The following PCDHGB3 variants were observed in gnomAD, a reference collection of about 807,000 sequenced individuals.
PCDHGB3 encodes the protein protocadherin gamma subfamily B, 3.
A neutral mutation model predicts 59.2 loss-of-function variants in PCDHGB3; 40 were observed. The ratio of observed to expected loss-of-function variants is 0.68; its 90% CI spans 0.52 to 0.88. The LOEUF is 0.88. Among genes scored for constraint, PCDHGB3 ranks in the 40% least tolerant of loss-of-function variants. The pLI, the probability that PCDHGB3 is intolerant of heterozygous loss-of-function variation, is 0.00. For synonymous variants in PCDHGB3, 581 were observed against 503.6 expected (o/e 1.15, Z -2.06); for missense variants, 1,309 against 1,187.9 (o/e 1.10, Z -1.50).
chr5:141,427,224 A>G (rs1269896138), intron 1 of PCDHGB3: 1 of 456,768 alleles, frequency 2.2e-6, no homozygotes, highest in East Asian at 6.9e-5. Context: ...TAGCAGTTAT[A>G]CCATGAGAGT....
chr5:141,490,344 AGTGGGGTTGTTTAAT>A lies in PCDHGB3; in HGVS notation c.2416-4459_2416-4445del. The A allele has an allele frequency of 6.2e-7, 1 of 1,614,178 alleles. No individual in the cohort carries two copies. The highest frequency in any genetic ancestry group is 8.5e-7 in the Non-Finnish European group (1 of 1,180,030). ...TAGAGAGCACACCAGTGGGCACAGT[AGTGGGGTTGTTTAAT>A]GTGCGAGACCGGGACTCAGGTAGAA... On this transcript the variant is annotated intron_variant, in intron 1 of 3. Coordinates refer to ENST00000576222, the MANE Select transcript of PCDHGB3 (RefSeq NM_018924.5). This position sits in a 1 kb window ranked among gnomAD's most constrained non-coding sequence, Gnocchi z 5.4.
At chr5:141,382,772 C>G (rs1778420393) in intron 1 of PCDHGB3, 1 of 776,996 alleles carries the variant, frequency 1.3e-6, no homozygotes, top group Non-Finnish European at 2.0e-6. Context: ...CCAGGCTGCA[C>G]TAAACTCAAG....
At chr5:141,389,596 C>T (rs768865727) in intron 1 of PCDHGB3, 2 of 1,613,132 alleles carry the variant, frequency 1.2e-6, no homozygotes, top group Non-Finnish European at 1.7e-6. Context: ...GACGGCTCTG[C>T]GCTCTTCGAT....
rs6883529 is a variant in PCDHGB3, at chr5:141,427,618, A to G, written c.2415+54809A>G. On this transcript the variant is annotated intron_variant, in intron 1 of 3. Coordinates refer to ENST00000576222, the MANE Select transcript of PCDHGB3 (RefSeq NM_018924.5). ...ACCCTACGCATTGGTGAAGTCAACG[A>G]CAATGCTCCGGTTTTCCACCAAGTC... The G allele has an allele frequency of 3.3e-3, 2,299 of 695,914 alleles. 37 individuals are homozygous for G. In the African/African-American group the frequency reaches 0.033, roughly 10 times the overall value. 43.1% of individuals were successfully genotyped at this position (695,914 alleles called of 1,614,324 possible).
chr5:141,398,964 T>C lies in PCDHGB3; in HGVS notation c.2415+26155T>C, dbSNP rs768223911. 1.5e-5 allele frequency: 25 copies of C among 1,613,826 alleles called. No homozygotes were observed. In the South Asian group the frequency reaches 2.4e-4, roughly 16 times the overall value. On this transcript the variant is annotated intron_variant, in intron 1 of 3. Coordinates refer to ENST00000576222, the MANE Select transcript of PCDHGB3 (RefSeq NM_018924.5). ...AGGGCATCAACTCAGAAATTACTTA[T>C]TCCTTCTACAGAACCGGGCAAATCT...
At position 141,477,706 on chromosome 5, in the gene PCDHGB3, G is replaced by A. The variant is rs1490514142; in HGVS notation, c.2416-17101G>A. 6 of 1,613,988 alleles carry A rather than the reference G, an allele frequency of 3.7e-6. No homozygotes were observed. Among genetic ancestry groups the A allele is most frequent in the Non-Finnish European group, 5.1e-6 (6 of 1,180,044 alleles). ...TAGTGCCCCTAGACTATGAGGATCGGCGGGAATTTGAATTAACAGCTCATA... is the reference window on the plus strand; with the variant it reads ...TAGTGCCCCTAGACTATGAGGATCGACGGGAATTTGAATTAACAGCTCATA... On this transcript the variant is annotated intron_variant, in intron 1 of 3. Transcript: ENST00000576222. This position sits in a 1 kb window ranked among gnomAD's most constrained non-coding sequence, Gnocchi z 4.9.
At chr5:141,379,815 T>C (rs1489145506) in intron 1 of PCDHGB3, among the ~76,000 whole-genome samples, 2 of 150,388 alleles carry the variant, frequency 1.3e-5, no homozygotes, top group South Asian at 2.1e-4. Context: ...GAGTTCAGTA[T>C]AGAATTTTGA....
chr5:141,460,498 T>C (rs1028506755), intron 1 of PCDHGB3, among the ~76,000 whole-genome samples: 3 of 152,184 alleles, frequency 2.0e-5, no homozygotes, highest in African/African-American at 7.2e-5. Context: ...TGGAAAAATA[T>C]GCTGAGAAGG....
At chr5:141,376,311 T>G in intron 1 of PCDHGB3, 1 of 1,613,882 alleles carries the variant, frequency 6.2e-7, no homozygotes, top group Non-Finnish European at 8.5e-7. Context: ...TTTGTGGGCG[T>G]GGAAGGGGTT....
intron 1 of PCDHGB3, chr5:141,423,723 T>C: frequency 8.5e-7 from 1 of 1,174,478 alleles, no homozygotes; most frequent in Non-Finnish European, 1.1e-6. Context: ...TAAGGAGATG[T>C]TTTTTGAGCC....
chr5:141,421,297 C>T (rs143092131), intron 1 of PCDHGB3: 106 of 1,613,512 alleles, frequency 6.6e-5, no homozygotes, highest in Non-Finnish European at 8.5e-5. Flanking sequence ...CCTGGGGACG[C>T]TGCGGGGGTT....
At position 141,370,734 on chromosome 5, in the gene PCDHGB3, T is replaced by G. The variant is rs1056339551; in HGVS notation, c.340T>G (p.Leu114Val). ...LEFEMVAEKPLNFFHVTVLIQ... is the reference protein window; with the variant it reads ...LEFEMVAEKPVNFFHVTVLIQ... Reference sequence around the variant, plus strand: ...ATTTGAAATGGTTGCTGAAAAGCCTTTAAACTTTTTTCATGTAACTGTGCT... The same window carrying G: ...ATTTGAAATGGTTGCTGAAAAGCCTGTAAACTTTTTTCATGTAACTGTGCT... Residue 114 changes from leucine to valine, a missense_variant, in exon 1 of 4, where the codon TTA becomes GTA. Leu to Val is a conservative substitution (Grantham distance 32). Transcript: ENST00000576222. The G allele has an allele frequency of 1.2e-6, 2 of 1,613,896 alleles. No individual in the cohort carries two copies. The highest frequency in any genetic ancestry group is 1.7e-6 in the Non-Finnish European group (2 of 1,179,904).
At chr5:141,427,776 G>T (rs3828681) in intron 1 of PCDHGB3, 8 of 1,424,704 alleles carry the variant, frequency 5.6e-6, no homozygotes, top group Non-Finnish European at 9.8e-7. Context: ...GGAGCTGCGG[G>T]CACTGTCGTC....
chr5:141,372,906 C>A, intron 1 of PCDHGB3, 97 bp downstream of exon 1: 1 of 1,079,660 alleles, frequency 9.3e-7, no homozygotes, highest in Non-Finnish European at 1.3e-6. Context: ...TCCCTGATTA[C>A]ATTATTTTAT....
At chr5:141,500,348 A>G (rs2099799436) in intron 2 of PCDHGB3, among the ~76,000 whole-genome samples, 1 of 151,950 alleles carries the variant, frequency 6.6e-6, no homozygotes, top group Non-Finnish European at 1.5e-5. Context: ...AGCTGGGACT[A>G]CAGGCGCCCA....
chr5:141,427,398 A>T (rs1040184910), intron 1 of PCDHGB3: 8 of 460,774 alleles, frequency 1.7e-5, no homozygotes, highest in Non-Finnish European at 3.5e-5. Context: ...AACACATGAT[A>T]AAGATTCGAG....
intron 1 of PCDHGB3, chr5:141,394,142 A>G (rs751602442): frequency 6.2e-7 from 1 of 1,613,996 alleles, no homozygotes; most frequent in Non-Finnish European, 8.5e-7. Flanking sequence ...TGCACGTGGC[A>G]GACATTAACG....
In PCDHGB3 at chr5:141,372,264, G is replaced by GGTGAGGTGC; in HGVS notation, c.1872_1880dup (p.Glu625_Arg627dup). On this transcript the variant is annotated inframe_insertion, in exon 1 of 4. Coordinates refer to ENST00000576222, the MANE Select transcript of PCDHGB3 (RefSeq NM_018924.5). ...GCTGTTCAGCCTGGGCCTGCGCACGGGTGAGGTGCGCACGGCGCGTACCTT... is the reference window on the plus strand; with the variant it reads ...GCTGTTCAGCCTGGGCCTGCGCACGGGTGAGGTGCGTGAGGTGCGCACGGCGCGTACCTT... 1 of 1,613,138 alleles carries GGTGAGGTGC rather than the reference G, an allele frequency of 6.2e-7. No homozygotes were observed. Among genetic ancestry groups the GGTGAGGTGC allele is most frequent in the Non-Finnish European group, 8.5e-7 (1 of 1,179,776 alleles).
chr5:141,480,599 C>A (rs1202373543), intron 1 of PCDHGB3, among the ~76,000 whole-genome samples: 1 of 141,438 alleles, frequency 7.1e-6, no homozygotes, highest in East Asian at 1.9e-4. Flanking sequence ...TCTGGTCAGC[C>A]TGGAAAGCAA....
Sources: gnomAD v4.1 joint callset for allele counts (sites outside exome capture counted in the v4.1 genomes callset) on GRCh38, gnomAD v4.1.1 for gene constraint, Gnocchi (gnomAD v3.1) non-coding constraint, MANE v1.5 for transcripts, NCBI Gene and HGNC (gene_info 2026-07-23, HGNC 2026-07-21) for gene names.